Variants in ANKRD27 observed in about 807,000 individuals in gnomAD.
ANKRD27 encodes ankyrin repeat domain-containing protein 27.
A neutral mutation model predicts 129.7 loss-of-function variants in ANKRD27; 112 were observed. That is an observed-to-expected ratio of 0.86 (90% CI 0.74 to 1.01). The LOEUF is 1.01. ANKRD27 is among the 50% of genes least tolerant of loss of function. ANKRD27 has a pLI of 0.00. For missense variants in ANKRD27, 1,258 were observed against 1,300.5 expected (o/e 0.97, Z 0.50); for synonymous variants, 516 against 511.2 (o/e 1.01, Z -0.13).
At chr19:32,655,312 C>T (rs1352554702) in intron 2 of ANKRD27, 1 of 152,564 alleles carries the variant, frequency 6.6e-6, no homozygotes, top group Non-Finnish European at 1.5e-5. Context: ...GCCTGGCAAC[C>T]TCACTGATTC....
chr19:32,615,598 AAAAC>A lies in ANKRD27; in HGVS notation c.2175+56_2175+59del, dbSNP rs576853873. 2,480 of 1,613,762 alleles carry A rather than the reference AAAAC, an allele frequency of 1.5e-3. 7 individuals are homozygous for A. The highest frequency in any genetic ancestry group is 1.9e-3 in the Non-Finnish European group (2,258 of 1,179,816). On this transcript the variant is annotated intron_variant, in intron 22 of 28. Transcript: ENST00000306065. ...GACCCTGTCTCAAAAAACAAAAACAAAAACAAAAACAAAAATTGCCTACATTCCC... is the reference window on the plus strand; with the variant it reads ...GACCCTGTCTCAAAAAACAAAAACAAAAAAACAAAAATTGCCTACATTCCC...
At chr19:32,633,740 G>A (rs555828008) in intron 12 of ANKRD27, among the ~76,000 whole-genome samples, 1 of 152,152 alleles carries the variant, frequency 6.6e-6, no homozygotes, top group East Asian at 1.9e-4. Context: ...AAAGAATGTT[G>A]AGCAGGTGTG....
At chr19:32,611,302 T>C (rs1971831980) in intron 22 of ANKRD27, among the ~76,000 whole-genome samples, 1 of 152,182 alleles carries the variant, frequency 6.6e-6, no homozygotes, top group Non-Finnish European at 1.5e-5. Flanking sequence ...TCCCACCAGA[T>C]GCTAGGGAAC....
chr19:32,603,871 CCTT>C (rs1262113980), intron 25 of ANKRD27, among the ~76,000 whole-genome samples: 3 of 152,160 alleles, frequency 2.0e-5, no homozygotes, highest in African/African-American at 4.8e-5. Flanking sequence ...ACAAAACAAA[CCTT>C]CTCCATCGTG....
In ANKRD27 at chr19:32,619,537, T is replaced by A; in HGVS notation, c.1844A>T (p.Glu615Val). 1 of 1,614,024 alleles carries A rather than the reference T, an allele frequency of 6.2e-7. No homozygotes were observed. The highest frequency in any genetic ancestry group is 8.5e-7 in the Non-Finnish European group (1 of 1,180,000). Reference protein sequence around the residue: ...ALNSKILSVMEAYHLSFERRQ... With the variant: ...ALNSKILSVMVAYHLSFERRQ... ...CCTCTCGAAGGACAGGTGATAGGCT[T>A]CCATTACAGACAGAATCTAGGGGGA... The change falls in exon 19 of 29, where the codon GAA becomes GTA. Residue 615 changes from glutamate to valine, a missense_variant. Glu to Val is a moderately radical substitution (Grantham distance 121). Transcript: ENST00000306065.
At chr19:32,662,643 G>A (rs1288854754) in intron 1 of ANKRD27, among the ~76,000 whole-genome samples, 1 of 152,184 alleles carries the variant, frequency 6.6e-6, no homozygotes, top group Non-Finnish European at 1.5e-5. Flanking sequence ...TCGGGAGGCT[G>A]ACATGGGAGG....
In ANKRD27 at chr19:32,615,775, A is replaced by ATGGAG; in HGVS notation, c.2057_2058insCTCCA (p.Tyr687SerfsTer53). The ATGGAG allele has an allele frequency of 1.9e-6, 3 of 1,612,692 alleles. No homozygotes were observed. Among genetic ancestry groups the ATGGAG allele is most frequent in the Non-Finnish European group, 2.5e-6 (3 of 1,179,116 alleles). On this transcript the variant is annotated frameshift_variant, in exon 22 of 29. Transcript: ENST00000306065. LOFTEE classifies it high-confidence loss of function. Reference sequence around the variant, plus strand: ...CCTCCTCTGTCCATTCCAACAGGTAACGCACCTGGTGATGGAGAGTAACGG... The same window carrying ATGGAG: ...CCTCCTCTGTCCATTCCAACAGGTAATGGAGCGCACCTGGTGATGGAGAGTAACGG...
chr19:32,672,076 A>C (rs1967881340), intron 1 of ANKRD27, among the ~76,000 whole-genome samples: 1 of 152,228 alleles, frequency 6.6e-6, no homozygotes, highest in Non-Finnish European at 1.5e-5. Flanking sequence ...AGCAGAATTC[A>C]GCATGGGGGA....
rs1971621972 is a variant in ANKRD27, at chr19:32,599,712, A to G, written c.2911T>C (p.Leu971=). ...AGTGTTTAATAACTTACCTCATGCA[A>G]AGAACCTTCGGTTAAATTAGGGACA... The part of the protein sequence containing the change: ...RSVPNLTEGS[L]HEPGRQSVTL... Residue 971 remains leucine (L), a synonymous_variant, in exon 28 of 29, where the codon TTG becomes CTG. Transcript: ENST00000306065. The G allele has an allele frequency of 6.2e-7, 1 of 1,612,948 alleles. No homozygotes were observed.
intron 18 of ANKRD27, among the ~76,000 whole-genome samples, chr19:32,621,207 C>T (rs1249860028): frequency 3.3e-5 from 5 of 152,112 alleles, no homozygotes; most frequent in East Asian, 1.9e-4. Flanking sequence ...GCTGGCCAGG[C>T]GCAGTGGCTC....
chr19:32,619,162 A>C, intron 20 of ANKRD27, 98 bp downstream of exon 20: 3 of 1,472,778 alleles, frequency 2.0e-6, no homozygotes. Flanking sequence ...AAGCAGGCTG[A>C]GAGGGCGGCC....
chr19:32,601,963 A>C (rs1971659495), intron 26 of ANKRD27, 52 bp downstream of exon 26: 1 of 1,131,002 alleles, frequency 8.8e-7, no homozygotes, highest in Non-Finnish European at 1.3e-6. Context: ...ACTACTCATG[A>C]ATGTCTAAAT....
Position 32,649,670 on chromosome 19 carries a change from A to G in ANKRD27, c.213+12T>C. 1 of 1,576,996 alleles carries G rather than the reference A, an allele frequency of 6.3e-7. No homozygotes were observed. The highest frequency in any genetic ancestry group is 8.7e-7 in the Non-Finnish European group (1 of 1,146,374). On this transcript the variant is annotated intron_variant, in intron 3 of 28. Coordinates refer to ENST00000306065, the MANE Select transcript of ANKRD27 (RefSeq NM_032139.3). ...GTAGGTGACCCTGGCTGATCCACCA[A>G]GAAATGAATACCTTTCCATTTAAGG...
At position 32,604,353 on chromosome 19, in the gene ANKRD27, G is replaced by A. The variant is rs745425079; in HGVS notation, c.2565C>T (p.His855=). 150 of 1,613,982 alleles carry A rather than the reference G, an allele frequency of 9.3e-5. 1 individual carries two copies. In the South Asian group the frequency reaches 1.5e-3, roughly 17 times the overall value. ...TALHEAVIEK[H]VFVVELLLLH... ...GCAGAAGCAGCTCTACCACGAAGAC[G>A]TGCTTTTCAATCACAGCCTCGTGCA... Residue 855 remains histidine (H), a synonymous_variant, in exon 25 of 29, where the codon CAC becomes CAT. Coordinates refer to ENST00000306065, the MANE Select transcript of ANKRD27 (RefSeq NM_032139.3).
chr19:32,628,038 C>A, intron 15 of ANKRD27, 45 bp downstream of exon 15: 1 of 1,578,292 alleles, frequency 6.3e-7, no homozygotes, highest in Non-Finnish European at 8.7e-7. Flanking sequence ...TGGGCACCAT[C>A]CCTTTGCTGT....
intron 10 of ANKRD27, among the ~76,000 whole-genome samples, chr19:32,640,922 G>A (rs754716142): frequency 1.3e-5 from 2 of 151,884 alleles, no homozygotes; most frequent in Non-Finnish European, 2.9e-5. Flanking sequence ...TTTTTGAAAC[G>A]GAGTCTCGCT....
intron 3 of ANKRD27, among the ~76,000 whole-genome samples, chr19:32,648,992 G>T (rs1448795084): frequency 6.8e-6 from 1 of 147,724 alleles, no homozygotes; most frequent in Non-Finnish European, 1.5e-5. Context: ...TTTGAGACAG[G>T]GTCTCACTCT....
At chr19:32,634,302 A>T (rs1046048279) in intron 12 of ANKRD27, among the ~76,000 whole-genome samples, 5 of 152,198 alleles carry the variant, frequency 3.3e-5, no homozygotes. Flanking sequence ...CATGATACAG[A>T]CAGAATCACA....
chr19:32,633,680 C>T (rs952811425), intron 12 of ANKRD27, among the ~76,000 whole-genome samples: 10 of 151,832 alleles, frequency 6.6e-5, no homozygotes, highest in Admixed American at 1.3e-4. Context: ...CTAGAGTCAT[C>T]CCAGTAATTT....
Sources: allele counts gnomAD v4.1 joint callset (sites outside exome capture counted in the v4.1 genomes callset), GRCh38; gene constraint gnomAD v4.1.1; transcripts MANE v1.5; gene names NCBI Gene and HGNC (gene_info 2026-07-23, HGNC 2026-07-21).